The following ADAMTS16 variants were observed in gnomAD, a reference collection of about 807,000 sequenced individuals.
The protein encoded by ADAMTS16 is A disintegrin and metalloproteinase with thrombospondin motifs 16.
In ADAMTS16, 94 loss-of-function variants were observed where a neutral mutation model predicts 145.8. That is an observed-to-expected ratio of 0.64 (90% CI 0.55 to 0.77). The LOEUF is 0.77. ADAMTS16 is among the 30% of genes least tolerant of loss of function. ADAMTS16 has a pLI of 0.00. For synonymous variants in ADAMTS16, 659 were observed against 604.3 expected (o/e 1.09, Z -1.33); for missense variants, 1,585 against 1,591.5 (o/e 1.00, Z 0.07).
chr5:5,282,109 A>T (rs532093131), intron 18 of ADAMTS16, among the ~76,000 whole-genome samples: 4 of 96,128 alleles, frequency 4.2e-5, no homozygotes, highest in Non-Finnish European at 8.9e-5. Flanking sequence ...TGGGAGATAA[A>T]CTGTTTGGTC....
chr5:5,166,132 A>G (rs1329521229), intron 3 of ADAMTS16, among the ~76,000 whole-genome samples: 2 of 152,238 alleles, frequency 1.3e-5, no homozygotes, highest in East Asian at 3.9e-4. Context: ...TTTGAAGTTT[A>G]TTTAATCTAC....
At chr5:5,216,235 T>C (rs1409566282) in intron 10 of ADAMTS16, among the ~76,000 whole-genome samples, 1 of 152,112 alleles carries the variant, frequency 6.6e-6, no homozygotes, top group Non-Finnish European at 1.5e-5. Flanking sequence ...TTATGGCCAT[T>C]CTTGCAGGAG....
intron 3 of ADAMTS16, among the ~76,000 whole-genome samples, chr5:5,178,452 G>C (rs1055135089): frequency 1.3e-5 from 2 of 152,146 alleles, no homozygotes; most frequent in Admixed American, 6.5e-5. Context: ...TTAATCTTCT[G>C]CAATTTACCT....
intron 11 of ADAMTS16, among the ~76,000 whole-genome samples, chr5:5,224,969 T>C (rs956637416): frequency 2.6e-5 from 4 of 152,178 alleles, no homozygotes; most frequent in Non-Finnish European, 4.4e-5. Flanking sequence ...TTGATTTCCA[T>C]TGATATTTGA....
chr5:5,251,735 G>A (rs748856481), intron 17 of ADAMTS16, among the ~76,000 whole-genome samples: 3 of 152,206 alleles, frequency 2.0e-5, no homozygotes, highest in East Asian at 1.9e-4. Context: ...TCTCTGCATC[G>A]TAGGACCCCA....
intron 2 of ADAMTS16, among the ~76,000 whole-genome samples, chr5:5,143,799 AT>A (rs1734226364): frequency 6.6e-6 from 1 of 152,222 alleles, no homozygotes; most frequent in East Asian, 1.9e-4. Flanking sequence ...CTATGCAGCC[AT>A]AAAAAAAGAA....
At chr5:5,215,914 A>G (rs575990722) in intron 10 of ADAMTS16, among the ~76,000 whole-genome samples, 1 of 115,534 alleles carries the variant, frequency 8.7e-6, no homozygotes, top group South Asian at 2.8e-4. Context: ...ATATATATAT[A>G]TCACAGTTTC....
At chr5:5,175,219 G>T (rs897671528) in intron 3 of ADAMTS16, among the ~76,000 whole-genome samples, 2 of 152,156 alleles carry the variant, frequency 1.3e-5, no homozygotes, top group Non-Finnish European at 2.9e-5. Context: ...TACTCAGCAG[G>T]AGATGAATCC....
chr5:5,155,257 G>C lies in ADAMTS16; in HGVS notation c.501+8802G>C, dbSNP rs184589287. On this transcript the variant is annotated intron_variant, in intron 3 of 22. Transcript: ENST00000274181. ...TCCACAAGGAACAGATAGGAAGTCT[G>C]TTAAGGGCTTCCTTGGCCCACCCAT... 2.3e-3 allele frequency among the ~76,000 whole-genome samples: 356 copies of C among 152,242 alleles called. 1 individual carries two copies. The highest frequency in any genetic ancestry group is 0.017 in the Middle Eastern group (5 of 294).
At chr5:5,234,023 A>G (rs1737018727) in intron 12 of ADAMTS16, among the ~76,000 whole-genome samples, 3 of 152,158 alleles carry the variant, frequency 2.0e-5, no homozygotes, top group East Asian at 1.9e-4. Flanking sequence ...TAGCATTTTA[A>G]TAGTAGCCAT....
chr5:5,299,983 C>G (rs528970462), intron 18 of ADAMTS16, among the ~76,000 whole-genome samples: 1 of 152,134 alleles, frequency 6.6e-6, no homozygotes, highest in Admixed American at 6.5e-5. Context: ...GTTTTTTAAA[C>G]AAAACAGACA....
At chr5:5,244,804 T>C (rs1391036821) in intron 17 of ADAMTS16, among the ~76,000 whole-genome samples, 1 of 152,210 alleles carries the variant, frequency 6.6e-6, no homozygotes, top group Non-Finnish European at 1.5e-5. Context: ...GAACATAAGA[T>C]TGAAATATCA....
At chr5:5,239,423 C>T (rs1737213359) in intron 15 of ADAMTS16, 149 bp downstream of exon 15, 3 of 1,286,842 alleles carry the variant, frequency 2.3e-6, no homozygotes, top group Non-Finnish European at 3.2e-6. Flanking sequence ...TCTCGAGCCT[C>T]TTGCTTTGAT....
chr5:5,212,104 A>C (rs1488647434), intron 10 of ADAMTS16, among the ~76,000 whole-genome samples: 1 of 151,912 alleles, frequency 6.6e-6, no homozygotes, highest in Admixed American at 6.6e-5. Flanking sequence ...TACTTGTTCC[A>C]CCAGTTTTAC....
At chr5:5,286,026 T>TA (rs1739088202) in intron 18 of ADAMTS16, among the ~76,000 whole-genome samples, 1 of 152,086 alleles carries the variant, frequency 6.6e-6, no homozygotes, top group Non-Finnish European at 1.5e-5. Flanking sequence ...ATCACAACAC[T>TA]GCCTAAACTA....
chr5:5,184,229 A>C (rs1735432403), intron 4 of ADAMTS16, among the ~76,000 whole-genome samples: 1 of 150,780 alleles, frequency 6.6e-6, no homozygotes, highest in African/African-American at 2.4e-5. Flanking sequence ...CCCCCAGGGC[A>C]CTGTCACCGA....
intron 14 of ADAMTS16, 129 bp from the exon 15 acceptor site, chr5:5,239,022 T>A: frequency 9.8e-7 from 1 of 1,021,626 alleles, no homozygotes; most frequent in Non-Finnish European, 1.3e-6. Flanking sequence ...AATAAATATT[T>A]GTTAACTACC....
At chr5:5,177,405 G>T (rs1463026847) in intron 3 of ADAMTS16, among the ~76,000 whole-genome samples, 1 of 152,186 alleles carries the variant, frequency 6.6e-6, no homozygotes, top group South Asian at 2.1e-4. Context: ...TATCAGCCCC[G>T]TTGTCCTTGA....
intron 5 of ADAMTS16, among the ~76,000 whole-genome samples, chr5:5,186,474 A>G (rs1306290703): frequency 1.5e-5 from 2 of 131,838 alleles, no homozygotes; most frequent in African/African-American, 5.4e-5. Context: ...AGGAAAAATC[A>G]TTTGACCTTC....
Sources: gnomAD v4.1 joint callset for allele counts (sites outside exome capture counted in the v4.1 genomes callset) on GRCh38, gnomAD v4.1.1 for gene constraint, MANE v1.5 for transcripts, NCBI Gene and HGNC (gene_info 2026-07-23, HGNC 2026-07-21) for gene names.